Variants in PSMA3 observed in about 807,000 individuals in gnomAD.
The protein encoded by PSMA3 is proteasome subunit alpha type-3.
Under a neutral mutation model 40.0 loss-of-function variants are expected in PSMA3, and 8 were observed. The ratio of observed to expected loss-of-function variants is 0.20; its 90% CI spans 0.12 to 0.36. The LOEUF (loss-of-function observed/expected upper bound fraction) is 0.36, where lower values mean the gene tolerates loss of function less well. Among genes scored for constraint, PSMA3 ranks in the 10% least tolerant of loss-of-function variants. The probability of loss-of-function intolerance (pLI) is 1.00; values close to 1 mark genes in which losing one functional copy is unlikely to be tolerated. For missense variants in PSMA3, 219 were observed against 310.6 expected (o/e 0.70, Z 2.22); for synonymous variants, 110 against 100.0 (o/e 1.10, Z -0.59).
chr14:58,257,548 A>T (rs903903612), intron 3 of PSMA3, among the ~76,000 whole-genome samples, 197 bp from the exon 4 acceptor site: 2 of 152,210 alleles, frequency 1.3e-5, no homozygotes, highest in African/African-American at 4.8e-5. Flanking sequence ...AAAGCAATGA[A>T]GTTATACTTA....
At chr14:58,270,297 G>T in intron 8 of PSMA3, 121 bp from the exon 9 acceptor site, 1 of 1,369,836 alleles carries the variant, frequency 7.3e-7, no homozygotes, top group Non-Finnish European at 9.9e-7. Context: ...GAATGTGTCT[G>T]TGTAATTTTA....
At chr14:58,262,946 A>C (rs1298564880) in intron 6 of PSMA3, among the ~76,000 whole-genome samples, 1 of 151,010 alleles carries the variant, frequency 6.6e-6, no homozygotes, top group African/African-American at 2.4e-5. Flanking sequence ...AAGATTCTTA[A>C]ATATATTTTG....
At chr14:58,262,862 AC>A (rs1246056935) in intron 6 of PSMA3, among the ~76,000 whole-genome samples, 3 of 151,762 alleles carry the variant, frequency 2.0e-5, no homozygotes, top group African/African-American at 7.3e-5. Context: ...GAGCCACTGC[AC>A]CCGGCCTGTT....
At chr14:58,266,214 TTTG>T (rs1185595072) in intron 7 of PSMA3, 1 of 152,188 alleles carries the variant, frequency 6.6e-6, no homozygotes, top group Non-Finnish European at 1.5e-5. Context: ...TAGTGTTATT[TTTG>T]TTGTCATTGT....
At chr14:58,267,287 C>G in intron 7 of PSMA3, 187 bp from the exon 8 acceptor site, 1 of 1,065,186 alleles carries the variant, frequency 9.4e-7, no homozygotes, top group Non-Finnish European at 1.2e-6. Context: ...CAGGCACAAG[C>G]CACTGCACCC....
At chr14:58,257,650 C>A (rs1354560609) in intron 3 of PSMA3, 95 bp from the exon 4 acceptor site, 9 of 1,124,104 alleles carry the variant, frequency 8.0e-6, no homozygotes, top group Non-Finnish European at 1.2e-5. Flanking sequence ...AATGGTAATA[C>A]TTGTTAAAAA....
chr14:58,254,487 C>T (rs1890100309), intron 3 of PSMA3, among the ~76,000 whole-genome samples: 2 of 150,328 alleles, frequency 1.3e-5, no homozygotes, highest in Non-Finnish European at 3.0e-5. Context: ...ACAAGTGTGC[C>T]ATCACACCTG....
chr14:58,258,083 C>A, intron 5 of PSMA3, 85 bp downstream of exon 5: 2 of 1,048,246 alleles, frequency 1.9e-6, no homozygotes, highest in Non-Finnish European at 2.8e-6. Context: ...CTTTTACATA[C>A]TTAAAAATAG....
At chr14:58,253,228 A>G (rs1192546411) in intron 3 of PSMA3, among the ~76,000 whole-genome samples, 2 of 152,100 alleles carry the variant, frequency 1.3e-5, no homozygotes, top group African/African-American at 4.8e-5. Context: ...CAAGTGATCC[A>G]TCTGCCCGCC....
intron 5 of PSMA3, among the ~76,000 whole-genome samples, chr14:58,260,182 G>C (rs1890241195): frequency 6.6e-6 from 1 of 152,176 alleles, no homozygotes; most frequent in Admixed American, 6.5e-5. Context: ...ATCCAAGGTT[G>C]CTGAAGTCCC....
Position 58,257,826 on chromosome 14 carries a change from G to T in PSMA3, c.310G>T (p.Gly104Cys), listed in dbSNP as rs1424533066. 1 of 1,613,272 alleles carries T rather than the reference G, an allele frequency of 6.2e-7. No individual in the cohort carries two copies. The highest frequency in any genetic ancestry group is 1.7e-5 in the Admixed American group (1 of 59,968). ...AGCTTCCAACTTCAGATCTAACTTT[G>T]GCTACAACATTCCACTAAAAGTAAG... ...EEASNFRSNF[G>C]YNIPLKHLAD... The change falls in exon 4 of 11, where the codon GGC (glycine) becomes TGC (cysteine). Residue 104 changes from glycine to cysteine, a missense_variant. By Grantham distance (159) the Gly-to-Cys change is radical. Transcript: ENST00000216455.
chr14:58,268,431 CAG>C (rs1158880003), intron 8 of PSMA3, among the ~76,000 whole-genome samples: 2 of 152,030 alleles, frequency 1.3e-5, no homozygotes, highest in African/African-American at 2.4e-5. Context: ...ACATCACACT[CAG>C]AGTCTCTTAT....
intron 9 of PSMA3, 33 bp from the exon 10 acceptor site, chr14:58,270,901 A>G (rs758047079): frequency 1.3e-6 from 2 of 1,532,308 alleles, no homozygotes; most frequent in South Asian, 1.2e-5. Context: ...TACTCAATTT[A>G]AAATTCATTT....
intron 2 of PSMA3, among the ~76,000 whole-genome samples, chr14:58,251,002 C>G (rs960307153): frequency 6.6e-6 from 1 of 151,922 alleles, no homozygotes; most frequent in African/African-American, 2.4e-5. Flanking sequence ...GAAGTTGTGC[C>G]GGTAGTCCCA....
intron 10 of PSMA3, 80 bp from the exon 11 acceptor site, chr14:58,271,771 T>C (rs1392582560): frequency 3.1e-6 from 3 of 966,600 alleles, no homozygotes; most frequent in Non-Finnish European, 4.9e-6. Context: ...TAATTCAGGT[T>C]GTTGTAGCTT....
At chr14:58,247,986 A>G (rs1018318440) in intron 2 of PSMA3, among the ~76,000 whole-genome samples, 154 bp downstream of exon 2, 7 of 152,188 alleles carry the variant, frequency 4.6e-5, no homozygotes, top group Non-Finnish European at 1.5e-5. Flanking sequence ...GATGCTTTCC[A>G]TGAGCCCCAG....
At chr14:58,258,459 AAAAG>A (rs933445137) in intron 5 of PSMA3, 6 of 152,986 alleles carry the variant, frequency 3.9e-5, no homozygotes, top group African/African-American at 1.2e-4. Flanking sequence ...AAAAAAAAAA[AAAAG>A]GTTTCAATAG....
intron 5 of PSMA3, among the ~76,000 whole-genome samples, chr14:58,260,258 G>C (rs749273814): frequency 1.3e-5 from 2 of 152,164 alleles, no homozygotes; most frequent in Non-Finnish European, 2.9e-5. Context: ...GTCATCTCTA[G>C]ATTACTTGCA....
chr14:58,255,136 G>C (rs1655393772), intron 3 of PSMA3, among the ~76,000 whole-genome samples: 1 of 150,972 alleles, frequency 6.6e-6, no homozygotes, highest in Admixed American at 6.6e-5. Context: ...CATTTATTAA[G>C]TATTTAGATC....
Sources: allele counts gnomAD v4.1 joint callset (sites outside exome capture counted in the v4.1 genomes callset), GRCh38; gene constraint gnomAD v4.1.1; transcripts MANE v1.5; gene names NCBI Gene and HGNC (gene_info 2026-07-23, HGNC 2026-07-21).